PRKG1: variants seen among roughly 807,000 people sequenced by gnomAD.
The protein encoded by PRKG1 is protein kinase cGMP-dependent 1, also known as cGMP-dependent protein kinase 1.
Under a neutral mutation model 88.1 loss-of-function variants are expected in PRKG1, and 35 were observed. The observed-to-expected ratio is 0.40, with a 90% confidence interval of 0.30 to 0.53. The LOEUF (loss-of-function observed/expected upper bound fraction) is 0.53. Among genes scored for constraint, PRKG1 ranks in the 20% least tolerant of loss-of-function variants. The pLI, the probability that PRKG1 is intolerant of heterozygous loss-of-function variation, is 0.59. For synonymous variants in PRKG1, 303 were observed against 292.5 expected (o/e 1.04, Z -0.37); for missense variants, 540 against 839.8 (o/e 0.64, Z 4.41).
rs538258904 is a variant in PRKG1, at chr10:51,743,533, T to C, written c.593-61052T>C. 2.6e-3 allele frequency among the ~76,000 whole-genome samples: 398 copies of C among 151,134 alleles called. 2 individuals carry two copies. Among genetic ancestry groups the C allele is most frequent in the Admixed American group, 4.8e-3 (72 of 15,092 alleles). On this transcript the variant is annotated intron_variant, in intron 3 of 17. Coordinates refer to ENST00000373980, the MANE Select transcript of PRKG1 (RefSeq NM_006258.4). ...TAACATCTTCCCGAGTAGCCCAAGG[T>C]GGGATATATTTGCTGTTTAGACTGT...
At chr10:52,218,135 C>T (rs1438458835) in intron 9 of PRKG1, among the ~76,000 whole-genome samples, 2 of 149,980 alleles carry the variant, frequency 1.3e-5, no homozygotes, top group African/African-American at 4.9e-5. Context: ...TCACCTGAAC[C>T]TGGGAGGCAG....
intron 7 of PRKG1, among the ~76,000 whole-genome samples, chr10:52,077,279 C>T (rs11000712): frequency 0.22 from 32,716 of 151,648 alleles, 4,114 homozygotes; most frequent in South Asian, 0.3. Flanking sequence ...AAAATAATTA[C>T]GATGAAAACT....
intron 9 of PRKG1, among the ~76,000 whole-genome samples, chr10:52,243,054 T>C (rs1840909634): frequency 6.6e-6 from 1 of 152,244 alleles, no homozygotes; most frequent in Admixed American, 6.5e-5. Flanking sequence ...ATATTCTCAT[T>C]CATCTTTTAC....
At chr10:52,242,012 G>T (rs989111513) in intron 9 of PRKG1, 1 of 152,196 alleles carries the variant, frequency 6.6e-6, no homozygotes, top group African/African-American at 2.4e-5. Context: ...CTATGGCAAA[G>T]ATGTCCTCAT....
At chr10:52,061,386 G>A (rs1213398658) in intron 6 of PRKG1, among the ~76,000 whole-genome samples, 2 of 152,056 alleles carry the variant, frequency 1.3e-5, no homozygotes, top group Non-Finnish European at 2.9e-5. Context: ...ATTGTCTCAA[G>A]AAATTAGTTT....
At chr10:51,842,962 A>G (rs1277854591) in intron 4 of PRKG1, among the ~76,000 whole-genome samples, 1 of 152,012 alleles carries the variant, frequency 6.6e-6, no homozygotes, top group African/African-American at 2.4e-5. Flanking sequence ...TATGAACAGA[A>G]CTTTGTTTAA....
intron 8 of PRKG1, among the ~76,000 whole-genome samples, chr10:52,136,836 G>A (rs931520079): frequency 6.6e-6 from 1 of 151,994 alleles, no homozygotes; most frequent in African/African-American, 2.4e-5. Context: ...TATCTTCAGG[G>A]TTATATACGG....
intron 3 of PRKG1, among the ~76,000 whole-genome samples, chr10:51,664,244 G>C (rs1447114524): frequency 2.6e-5 from 4 of 152,116 alleles, no homozygotes; most frequent in African/African-American, 9.7e-5. Flanking sequence ...AATATCATCA[G>C]TATTGTGGCA....
intron 2 of PRKG1, among the ~76,000 whole-genome samples, chr10:51,360,115 G>T (rs1402014319): frequency 6.6e-6 from 1 of 151,940 alleles, no homozygotes; most frequent in East Asian, 1.9e-4. Context: ...CACTTTCCAA[G>T]ATGTCTTTTG....
At chr10:51,274,089 C>T (rs990809991) in intron 2 of PRKG1, among the ~76,000 whole-genome samples, 2 of 152,162 alleles carry the variant, frequency 1.3e-5, no homozygotes, top group Non-Finnish European at 2.9e-5. Flanking sequence ...TTTATGTCCT[C>T]CTCATATTAA....
intron 7 of PRKG1, chr10:52,125,596 T>A (rs1470575308): frequency 6.6e-6 from 1 of 152,190 alleles, no homozygotes; most frequent in Non-Finnish European, 1.5e-5. Context: ...CGTTTCTGTT[T>A]GTGTCTTCCA....
intron 3 of PRKG1, among the ~76,000 whole-genome samples, chr10:51,491,267 A>G (rs1026407083): frequency 1.3e-5 from 2 of 152,094 alleles, no homozygotes; most frequent in Non-Finnish European, 2.9e-5. Context: ...TGACAAAGTG[A>G]TGGACTTCAA....
intron 4 of PRKG1, among the ~76,000 whole-genome samples, chr10:51,889,978 A>G (rs910989401): frequency 1.8e-4 from 27 of 152,072 alleles, no homozygotes; most frequent in African/African-American, 6.3e-4. Flanking sequence ...AGATGAGTAG[A>G]TTGCAAAAAT....
chr10:52,253,630 C>T (rs1841236291), intron 10 of PRKG1, among the ~76,000 whole-genome samples: 1 of 151,372 alleles, frequency 6.6e-6, no homozygotes. Flanking sequence ...CATATATATA[C>T]ATATATATGT....
chr10:52,108,798 T>G (rs1187301068), intron 7 of PRKG1, among the ~76,000 whole-genome samples: 1 of 151,966 alleles, frequency 6.6e-6, no homozygotes, highest in African/African-American at 2.4e-5. Flanking sequence ...AAGTAGAATT[T>G]TTATTAACCT....
At chr10:51,694,603 C>CA (rs922960420) in intron 3 of PRKG1, among the ~76,000 whole-genome samples, 19 of 152,072 alleles carry the variant, frequency 1.2e-4, no homozygotes, top group African/African-American at 4.6e-4. Flanking sequence ...TTCATAATCC[C>CA]AAAAAACATG....
chr10:51,341,685 C>A (rs1048602753), intron 2 of PRKG1, among the ~76,000 whole-genome samples: 1 of 152,164 alleles, frequency 6.6e-6, no homozygotes. Context: ...CTTAAAGGAA[C>A]AAGAGAGTTC....
At chr10:51,296,718 T>C (rs10996650) in intron 2 of PRKG1, among the ~76,000 whole-genome samples, 47,121 of 151,868 alleles carry the variant, frequency 0.31, 8,048 homozygotes, top group African/African-American at 0.45. Context: ...TAATTTTAGG[T>C]TTAGTTTCTT....
intron 2 of PRKG1, among the ~76,000 whole-genome samples, chr10:51,277,268 T>C (rs751004871): frequency 5.3e-5 from 8 of 152,134 alleles, no homozygotes; most frequent in Non-Finnish European, 1.2e-4. Context: ...GATCAGATGG[T>C]TGTAGATGTG....
Sources: allele counts gnomAD v4.1 joint callset (sites outside exome capture counted in the v4.1 genomes callset), GRCh38; gene constraint gnomAD v4.1.1; transcripts MANE v1.5; gene names NCBI Gene and HGNC (gene_info 2026-07-23, HGNC 2026-07-21).